CCDC148: variants seen among roughly 807,000 people sequenced by gnomAD.
CCDC148 encodes coiled-coil domain-containing protein 148.
A neutral mutation model predicts 85.7 loss-of-function variants in CCDC148; 89 were observed. The ratio of observed to expected loss-of-function variants is 1.04; its 90% CI spans 0.87 to 1.24. The LOEUF (loss-of-function observed/expected upper bound fraction) is 1.24. CCDC148 is among the 50% of genes most tolerant of loss of function. The pLI is 0.00. For missense variants in CCDC148, 692 were observed against 671.7 expected, an observed-to-expected ratio of 1.03 and a Z score of -0.33; for synonymous variants, 230 against 213.9, an observed-to-expected ratio of 1.08 and a Z score of -0.66.
chr2:158,217,019 G>T (rs1455852718), intron 11 of CCDC148, among the ~76,000 whole-genome samples: 1 of 152,034 alleles, frequency 6.6e-6, no homozygotes, highest in Admixed American at 6.5e-5. Context: ...ATAGAGCCAG[G>T]ATTCTAATGT....
Position 158,338,801 on chromosome 2 carries a change from C to T in CCDC148, c.689G>A (p.Ser230Asn), listed in dbSNP as rs144579063. The T allele has an allele frequency of 4.0e-5, 65 of 1,611,846 alleles. No homozygotes were observed. Among genetic ancestry groups the T allele is most frequent in the Non-Finnish European group, 5.3e-5 (62 of 1,179,434 alleles). The part of the protein sequence containing the change: ...PYPDLKSSIL[S>N]EFYKFTQKYQ... ...TTTCTGTGTAAACTTATAGAACTCA[C>T]TGAGAATTGAAGATTTCAAATCAGG... is the stretch of plus-strand genomic sequence containing the variant. The change falls in exon 7 of 14, where the codon AGT (serine) becomes AAT (asparagine). Residue 230 changes from serine (S) to asparagine (N), a missense_variant. Ser to Asn is a conservative substitution (Grantham distance 46). Transcript: ENST00000283233.
chr2:158,335,264 C>A (rs1463401124), intron 7 of CCDC148, among the ~76,000 whole-genome samples: 1 of 152,202 alleles, frequency 6.6e-6, no homozygotes, highest in African/African-American at 2.4e-5. Flanking sequence ...TTTTCACAAG[C>A]ACCTAACAAA....
intron 7 of CCDC148, among the ~76,000 whole-genome samples, chr2:158,332,143 A>T (rs1382524177): frequency 6.6e-6 from 1 of 152,062 alleles, no homozygotes; most frequent in Admixed American, 6.6e-5. Context: ...AGTGGCTGGT[A>T]CTGGTTGTTC....
chr2:158,203,685 A>G (rs553458602), intron 11 of CCDC148, among the ~76,000 whole-genome samples: 4 of 152,330 alleles, frequency 2.6e-5, no homozygotes, highest in Non-Finnish European at 4.4e-5. Flanking sequence ...TTACTATAAA[A>G]AATAAAGGAA....
At chr2:158,204,762 C>T (rs528594527) in intron 11 of CCDC148, among the ~76,000 whole-genome samples, 1 of 152,186 alleles carries the variant, frequency 6.6e-6, no homozygotes, top group Non-Finnish European at 1.5e-5. Context: ...ATCATGAAAA[C>T]ATACACCAAG....
At chr2:158,448,591 C>G (rs145616304) in intron 1 of CCDC148, among the ~76,000 whole-genome samples, 1 of 152,008 alleles carries the variant, frequency 6.6e-6, no homozygotes, top group Non-Finnish European at 1.5e-5. Flanking sequence ...CAATCCACCC[C>G]GCTCGGCCTT....
chr2:158,412,831 T>TATTATC (rs1197952562), intron 1 of CCDC148, among the ~76,000 whole-genome samples: 2 of 19,624 alleles, frequency 1.0e-4, no homozygotes, highest in Non-Finnish European at 2.0e-4. Context: ...AAGTATTTAT[T>TATTATC]ATTATTATTA....
chr2:158,249,777 A>G (rs563219447), intron 10 of CCDC148, among the ~76,000 whole-genome samples: 9 of 152,092 alleles, frequency 5.9e-5, no homozygotes, highest in Non-Finnish European at 1.2e-4. Context: ...TCTAGGCATG[A>G]GCTTCTTTGA....
chr2:158,338,734 G>A lies in CCDC148; in HGVS notation c.756C>T (p.Asp252=). The change falls in exon 7 of 14, where the codon GAC becomes GAT. Residue 252 remains aspartate (D), a synonymous_variant. Coordinates refer to ENST00000283233, the MANE Select transcript of CCDC148 (RefSeq NM_138803.4). The part of the protein sequence containing the change: ...KLQDFNLQLE[D]IYRNCQLSEE... ...CAGTTTTATCTTATCACCTGTATAT[G>A]TCTTCCAACTGCAGATTAAAGTCTT... The A allele has an allele frequency of 5.0e-6, 8 of 1,604,220 alleles. No homozygotes were observed. Among genetic ancestry groups the A allele is most frequent in the Non-Finnish European group, 6.8e-6 (8 of 1,177,110 alleles).
At chr2:158,401,014 CCA>C (rs760703105) in intron 1 of CCDC148, among the ~76,000 whole-genome samples, 8 of 152,108 alleles carry the variant, frequency 5.3e-5, no homozygotes, top group Non-Finnish European at 1.0e-4. Context: ...TCATCTCACG[CCA>C]GTTAGAATGG....
intron 1 of CCDC148, among the ~76,000 whole-genome samples, chr2:158,442,034 A>T (rs1054962881): frequency 6.6e-6 from 1 of 152,180 alleles, no homozygotes; most frequent in Non-Finnish European, 1.5e-5. Context: ...TATGTTTTAC[A>T]CCCAAACTAG....
chr2:158,273,534 A>T (rs76941423), intron 9 of CCDC148, among the ~76,000 whole-genome samples: 10,834 of 152,170 alleles, frequency 0.071, 537 homozygotes, highest in South Asian at 0.11. Context: ...AAGATCTGCC[A>T]TCTCCTACTA....
At chr2:158,391,538 G>T (rs1381734713) in intron 1 of CCDC148, among the ~76,000 whole-genome samples, 2 of 152,074 alleles carry the variant, frequency 1.3e-5, no homozygotes, top group Non-Finnish European at 2.9e-5. Flanking sequence ...CAAGTATATT[G>T]CTAGTCCATA....
chr2:158,329,543 G>T (rs1166345532), intron 7 of CCDC148, among the ~76,000 whole-genome samples: 5 of 151,892 alleles, frequency 3.3e-5, no homozygotes, highest in African/African-American at 1.2e-4. Context: ...CCAATTCTGT[G>T]AAGAAAGTCA....
At chr2:158,188,742 G>T (rs1685276400) in intron 11 of CCDC148, among the ~76,000 whole-genome samples, 1 of 151,922 alleles carries the variant, frequency 6.6e-6, no homozygotes, top group Non-Finnish European at 1.5e-5. Context: ...TGACAAGTAG[G>T]ACCTAATTAA....
intron 1 of CCDC148, among the ~76,000 whole-genome samples, chr2:158,438,510 A>G (rs1183115672): frequency 6.6e-6 from 1 of 152,192 alleles, no homozygotes; most frequent in African/African-American, 2.4e-5. Flanking sequence ...TAGACCTAAA[A>G]CCATAAAAAC....
At chr2:158,298,108 A>C (rs1431855909) in intron 9 of CCDC148, among the ~76,000 whole-genome samples, 1 of 152,176 alleles carries the variant, frequency 6.6e-6, no homozygotes, top group Non-Finnish European at 1.5e-5. Context: ...CAAAGGGGGA[A>C]GCCCCTTATA....
rs151101098 is a variant in CCDC148 at position 158,174,280 on chromosome 2, G to A, written c.1630-2021C>T. 6.6e-4 allele frequency among the ~76,000 whole-genome samples: 100 copies of A among 152,114 alleles called. 1 individual carries two copies. The highest frequency in any genetic ancestry group is 2.1e-3 in the African/African-American group (87 of 41,522). On this transcript the variant is annotated intron_variant, in intron 13 of 13. Coordinates refer to ENST00000283233, the MANE Select transcript of CCDC148 (RefSeq NM_138803.4). The stretch of plus-strand genomic sequence containing the variant: ...CAAATGCACCCAGCCAATAAACAGC[G>A]GATGTGGATTTGAATCCAAAACACC...
At chr2:158,240,627 G>A (rs1688315885) in intron 10 of CCDC148, among the ~76,000 whole-genome samples, 1 of 152,040 alleles carries the variant, frequency 6.6e-6, no homozygotes, top group Non-Finnish European at 1.5e-5. Context: ...TCTGCTATGT[G>A]CTGGCTTCCA....
Sources: allele counts gnomAD v4.1 joint callset (sites outside exome capture counted in the v4.1 genomes callset), GRCh38; gene constraint gnomAD v4.1.1; transcripts MANE v1.5; gene names NCBI Gene and HGNC (gene_info 2026-07-23, HGNC 2026-07-21).